The following PRKG1 variants were observed in gnomAD, a reference collection of about 807,000 sequenced individuals.
The protein encoded by PRKG1 is protein kinase cGMP-dependent 1, also known as cGMP-dependent protein kinase 1.
In PRKG1, 35 loss-of-function variants were observed where a neutral mutation model predicts 88.1. That is an observed-to-expected ratio of 0.40 (90% confidence interval 0.30 to 0.53). The LOEUF (loss-of-function observed/expected upper bound fraction) is 0.53. PRKG1 is among the 20% of genes least tolerant of loss of function. The probability of loss-of-function intolerance (pLI) is 0.59; values close to 1 mark genes in which losing one functional copy is unlikely to be tolerated. For missense variants in PRKG1, 540 were observed against 839.8 expected (o/e 0.64, Z 4.41); for synonymous variants, 303 against 292.5 (o/e 1.04, Z -0.37).
At chr10:51,348,916 G>GA (rs2132560264) in intron 2 of PRKG1, among the ~76,000 whole-genome samples, 1 of 152,162 alleles carries the variant, frequency 6.6e-6, no homozygotes, top group African/African-American at 2.4e-5. Flanking sequence ...TTGGGCTAGG[G>GA]AAAAATCTAC....
chr10:52,143,492 A>C (rs1837641697), intron 8 of PRKG1, among the ~76,000 whole-genome samples: 1 of 152,142 alleles, frequency 6.6e-6, no homozygotes, highest in South Asian at 2.1e-4. Flanking sequence ...CCCTGTTAGG[A>C]AGGATATAGT....
intron 3 of PRKG1, among the ~76,000 whole-genome samples, chr10:51,541,854 C>A (rs966879848): frequency 1.3e-5 from 2 of 152,040 alleles, no homozygotes; most frequent in African/African-American, 4.8e-5. Context: ...ATTTTAAAAT[C>A]TTTTTAAAAT....
At position 52,246,631 on chromosome 10, in the gene PRKG1, C is replaced by T. The variant is rs560017192; in HGVS notation, c.1077-4939C>T. 1.1e-4 allele frequency among the ~76,000 whole-genome samples: 17 copies of T among 152,204 alleles called. No homozygotes were observed. The East Asian group carries it at 3.1e-3, about 28-fold the overall frequency. On this transcript the variant is annotated intron_variant, in intron 9 of 17. Coordinates refer to ENST00000373980, the MANE Select transcript of PRKG1 (RefSeq NM_006258.4). Reference sequence around the variant, plus strand: ...GTGGCTCATGCCTGTAATCCCAGCACTTTGGGAGGCCGAGGCAGGCGGATC... The same window carrying T: ...GTGGCTCATGCCTGTAATCCCAGCATTTTGGGAGGCCGAGGCAGGCGGATC...
chr10:51,775,959 A>G (rs975689431), intron 3 of PRKG1, among the ~76,000 whole-genome samples: 8 of 151,968 alleles, frequency 5.3e-5, no homozygotes, highest in African/African-American at 1.7e-4. Flanking sequence ...TTCTGTTTCC[A>G]TTGTTATTCC....
intron 2 of PRKG1, among the ~76,000 whole-genome samples, chr10:51,216,360 A>G (rs896008176): frequency 6.6e-6 from 1 of 152,224 alleles, no homozygotes; most frequent in Non-Finnish European, 1.5e-5. Context: ...CATTTTGTAA[A>G]CAGAAAGTCA....
At chr10:51,566,088 A>C (rs183844898) in intron 3 of PRKG1, among the ~76,000 whole-genome samples, 61 of 152,286 alleles carry the variant, frequency 4.0e-4, no homozygotes, top group Middle Eastern at 3.4e-3. Flanking sequence ...TGGTATCACT[A>C]TAATACCAGA....
At chr10:51,004,215 G>A (rs1196207540) in intron 1 of PRKG1, among the ~76,000 whole-genome samples, 1 of 152,040 alleles carries the variant, frequency 6.6e-6, no homozygotes, top group Non-Finnish European at 1.5e-5. Flanking sequence ...TATAATACCA[G>A]CACTTTGGGA....
intron 2 of PRKG1, among the ~76,000 whole-genome samples, chr10:51,256,077 T>A (rs1839550425): frequency 6.6e-6 from 1 of 152,130 alleles, no homozygotes; most frequent in Non-Finnish European, 1.5e-5. Context: ...TACTTGTACT[T>A]GCAAGTGAAG....
intron 4 of PRKG1, among the ~76,000 whole-genome samples, chr10:51,817,346 A>ATC (rs1332540212): frequency 1.1e-4 from 4 of 36,382 alleles, no homozygotes; most frequent in East Asian, 9.4e-4. Flanking sequence ...ATCCCTCCCC[A>ATC]ACCCCCCCCC....
chr10:51,618,935 ATT>A (rs3086927), intron 3 of PRKG1, among the ~76,000 whole-genome samples: 3 of 123,524 alleles, frequency 2.4e-5, no homozygotes, highest in African/African-American at 3.1e-5. Context: ...CACCCAGCTA[ATT>A]TTTTTTTTTT....
chr10:51,016,539 C>G (rs1200613341), intron 1 of PRKG1, among the ~76,000 whole-genome samples: 2 of 151,852 alleles, frequency 1.3e-5, no homozygotes, highest in East Asian at 3.9e-4. Flanking sequence ...AGGACAAAGA[C>G]TAATAGGCAA....
intron 1 of PRKG1, among the ~76,000 whole-genome samples, chr10:51,063,625 T>C (rs1227526485): frequency 6.6e-6 from 1 of 152,208 alleles, no homozygotes; most frequent in African/African-American, 2.4e-5. Flanking sequence ...TGCATGACTG[T>C]ACGTTAATAA....
intron 3 of PRKG1, among the ~76,000 whole-genome samples, chr10:51,640,459 A>G (rs1302368393): frequency 6.6e-6 from 1 of 152,194 alleles, no homozygotes; most frequent in African/African-American, 2.4e-5. Flanking sequence ...ACGTGCAAGA[A>G]TAATGTTAAT....
At chr10:51,143,889 A>G (rs1845880410) in intron 1 of PRKG1, among the ~76,000 whole-genome samples, 1 of 151,986 alleles carries the variant, frequency 6.6e-6, no homozygotes, top group Admixed American at 6.6e-5. Flanking sequence ...GGTCATGTGT[A>G]TAGGAGGCAA....
chr10:52,065,402 G>T (rs1402835829), intron 7 of PRKG1, among the ~76,000 whole-genome samples: 2 of 152,108 alleles, frequency 1.3e-5, no homozygotes, highest in Non-Finnish European at 2.9e-5. Flanking sequence ...ATTTCAAATT[G>T]TGCCTTCATT....
At chr10:51,119,992 G>A (rs553031703) in intron 1 of PRKG1, among the ~76,000 whole-genome samples, 8 of 152,156 alleles carry the variant, frequency 5.3e-5, no homozygotes, top group South Asian at 4.1e-4. Flanking sequence ...GCTTCAGTGG[G>A]TTCTCCATAT....
chr10:51,667,477 CTT>C (rs1840450080), intron 3 of PRKG1, among the ~76,000 whole-genome samples: 1 of 152,050 alleles, frequency 6.6e-6, no homozygotes, highest in African/African-American at 2.4e-5. Context: ...ATAATGATGA[CTT>C]AGGATTATAT....
At chr10:51,082,712 C>A (rs1402866663) in intron 1 of PRKG1, among the ~76,000 whole-genome samples, 2 of 146,736 alleles carry the variant, frequency 1.4e-5, no homozygotes, top group African/African-American at 5.4e-5. Flanking sequence ...CCTGCGAAAG[C>A]ATAGCTGGAT....
intron 2 of PRKG1, among the ~76,000 whole-genome samples, chr10:51,169,462 G>A (rs1177175972): frequency 2.0e-5 from 3 of 152,088 alleles, no homozygotes; most frequent in Non-Finnish European, 4.4e-5. Flanking sequence ...CTTGGGATAA[G>A]TTAAATTTTT....
Sources: gnomAD v4.1 joint callset for allele counts (sites outside exome capture counted in the v4.1 genomes callset) on GRCh38, gnomAD v4.1.1 for gene constraint, MANE v1.5 for transcripts, NCBI Gene and HGNC (gene_info 2026-07-23, HGNC 2026-07-21) for gene names.